Variants in GOLGB1 observed in about 807,000 individuals in gnomAD.
GOLGB1 encodes the protein golgin B1, also known as golgin subfamily B member 1.
In GOLGB1, 174 loss-of-function variants were observed where a neutral mutation model predicts 336.9. The ratio of observed to expected loss-of-function variants is 0.52; its 90% confidence interval spans 0.46 to 0.59. GOLGB1 has a LOEUF of 0.59. Ranked by LOEUF, GOLGB1 falls within the 20% of genes least tolerant of loss-of-function variation. GOLGB1 has a pLI of 0.00. For synonymous variants in GOLGB1, 1,208 were observed against 1,289.2 expected (o/e 0.94, Z 1.35); for missense variants, 3,331 against 3,645.3 (o/e 0.91, Z 2.22).
intron 4 of GOLGB1, among the ~76,000 whole-genome samples, chr3:121,727,469 GGTACCGA>G (rs925018806): frequency 3.3e-5 from 5 of 151,174 alleles, no homozygotes; most frequent in Non-Finnish European, 5.9e-5. Context: ...TGGAAGAAAT[GGTACCGA>G]GTTTCCCATT....
intron 17 of GOLGB1, among the ~76,000 whole-genome samples, chr3:121,673,145 C>T (rs554788495): frequency 3.3e-5 from 5 of 151,862 alleles, no homozygotes; most frequent in Non-Finnish European, 7.4e-5. Flanking sequence ...TCTCGGCTCA[C>T]TGTAACTTCC....
chr3:121,713,358 A>G (rs905611194), intron 10 of GOLGB1, among the ~76,000 whole-genome samples: 1 of 152,246 alleles, frequency 6.6e-6, no homozygotes, highest in African/African-American at 2.4e-5. Context: ...AAAGCATGAA[A>G]AAGTCCAGGT....
intron 17 of GOLGB1, among the ~76,000 whole-genome samples, 154 bp from the exon 18 acceptor site, chr3:121,669,509 A>G (rs1939190618): frequency 8.9e-5 from 1 of 11,286 alleles, no homozygotes; most frequent in South Asian, 1.5e-3. Flanking sequence ...AGTTGGAAAA[A>G]GCATAATTTT....
chr3:121,700,601 C>A (rs979509929), intron 11 of GOLGB1, among the ~76,000 whole-genome samples: 1 of 152,098 alleles, frequency 6.6e-6, no homozygotes, highest in African/African-American at 2.4e-5. Flanking sequence ...CATGCTTTGA[C>A]CCTACTAATT....
chr3:121,712,001 G>C (rs556316551), intron 10 of GOLGB1, among the ~76,000 whole-genome samples: 1 of 152,250 alleles, frequency 6.6e-6, no homozygotes, highest in Middle Eastern at 3.4e-3. Context: ...ACCTGGAATA[G>C]TCAAAGCAAT....
In GOLGB1 at chr3:121,702,552, A is replaced by C; in HGVS notation, c.1448T>G (p.Val483Gly). ...GGCTCCCTTTTCATTCTCTAGTTCT[A>C]CCACTCTCTTCTGCAAAGAAGCAAT... ...ENIASLQKRV[V>G]ELENEKGALL... The change falls in exon 11 of 22, where the codon GTA (valine) becomes GGA (glycine). Residue 483 changes from valine to glycine, a missense_variant. Physicochemically the swap from Val to Gly is moderately radical, Grantham distance 109 (BLOSUM62 -3). Transcript: ENST00000614479. 6.5e-7 allele frequency: 1 copy of C among 1,547,886 alleles called. No homozygotes were observed. Among genetic ancestry groups the C allele is most frequent in the Admixed American group, 2.0e-5 (1 of 50,188 alleles).
rs117107083 is a variant in GOLGB1 at position 121,722,042 on chromosome 3, A to T, written c.648+220T>A. ...GGCTATAGAAAATTCATCAAGGTAA[A>T]TAACACATTGTGAGGTTTTCTGGTG... On this transcript the variant is annotated intron_variant, in intron 6 of 21. Coordinates refer to ENST00000614479, the MANE Select transcript of GOLGB1 (RefSeq NM_001366282.2). Among the ~76,000 whole-genome samples the T allele has an allele frequency of 2.3e-4, 35 of 152,332 alleles. No individual in the cohort carries two copies. The East Asian group carries it at 6.6e-3, about 29-fold the overall frequency.
chr3:121,725,557 A>G (rs897848805), intron 5 of GOLGB1, among the ~76,000 whole-genome samples: 3 of 152,176 alleles, frequency 2.0e-5, no homozygotes, highest in Admixed American at 6.5e-5. Flanking sequence ...TGGTGCAGGA[A>G]TGAGCTAAGA....
chr3:121,717,844 G>A (rs1944893150), intron 8 of GOLGB1, among the ~76,000 whole-genome samples: 1 of 152,146 alleles, frequency 6.6e-6, no homozygotes, highest in South Asian at 2.1e-4. Context: ...ATTTTTTTCA[G>A]ATGGTGGAAT....
chr3:121,717,115 T>C lies in GOLGB1; in HGVS notation c.910A>G (p.Met304Val). The change falls in exon 9 of 22, where the codon ATG (methionine) becomes GTG (valine). Residue 304 changes from methionine (M) to valine (V), a missense_variant. Coordinates refer to ENST00000614479, the MANE Select transcript of GOLGB1 (RefSeq NM_001366282.2). ...CTCAAAGTATTATGCTCAGCTTCCA[T>C]CTGCTGTAACTGCTGAGAGAGAATC... is the stretch of plus-strand genomic sequence containing the variant. Reference protein sequence around the residue: ...NQILSQQLQQMEAEHNTLRNT... With the variant: ...NQILSQQLQQVEAEHNTLRNT... 1.2e-6 allele frequency: 2 copies of C among 1,611,526 alleles called. No homozygotes were observed.
chr3:121,698,753 A>G lies in GOLGB1; in HGVS notation c.1770T>C (p.Ala590=), dbSNP rs373423313. 31 of 1,613,602 alleles carry G rather than the reference A, an allele frequency of 1.9e-5. No homozygotes were observed. The African/African-American group carries it at 3.5e-4, about 18-fold the overall frequency. ...CAAGGACCTCATGATCTGCTTCCTC[A>G]GCCCTTTTTCCCTGGAGCTGTAATT... The part of the protein sequence containing the change: ...FLKLQLQGKR[A]EEADHEVLDQ... The change falls in exon 13 of 22, where the codon GCT becomes GCC. Residue 590 remains alanine (A), a synonymous_variant. Transcript: ENST00000614479.
intron 15 of GOLGB1, among the ~76,000 whole-genome samples, chr3:121,677,742 G>A (rs1002637020): frequency 6.6e-6 from 1 of 152,164 alleles, no homozygotes; most frequent in Non-Finnish European, 1.5e-5. Flanking sequence ...AAGGCTGCAG[G>A]AAATAAGCCT....
intron 10 of GOLGB1, among the ~76,000 whole-genome samples, chr3:121,704,116 TA>T (rs1194368982): frequency 7.1e-6 from 1 of 141,082 alleles, no homozygotes; most frequent in Non-Finnish European, 1.6e-5. Context: ...GACAGAAGAA[TA>T]AAAAAAATTG....
intron 17 of GOLGB1, among the ~76,000 whole-genome samples, chr3:121,669,662 G>C (rs1036640416): frequency 6.6e-6 from 1 of 152,028 alleles, no homozygotes; most frequent in African/African-American, 2.4e-5. Context: ...AATTACATAG[G>C]CTATTCTGGG....
chr3:121,671,859 T>TA (rs1269178914), intron 17 of GOLGB1, among the ~76,000 whole-genome samples: 1 of 149,414 alleles, frequency 6.7e-6, no homozygotes, highest in African/African-American at 2.4e-5. Context: ...GAGATTCACT[T>TA]TTTTTTTTTT....
At chr3:121,744,767 G>A (rs1947131078) in intron 1 of GOLGB1, among the ~76,000 whole-genome samples, 1 of 152,082 alleles carries the variant, frequency 6.6e-6, no homozygotes, top group Admixed American at 6.6e-5. Context: ...ATAAAAATCT[G>A]AGAGAGTGCT....
chr3:121,724,807 A>G (rs1030226665), intron 5 of GOLGB1, among the ~76,000 whole-genome samples: 5 of 152,228 alleles, frequency 3.3e-5, no homozygotes, highest in African/African-American at 1.2e-4. Context: ...CTAAGAGGAC[A>G]GAATGGTTTC....
rs144067683 is a variant in GOLGB1, at chr3:121,695,958, G to T, written c.4565C>A (p.Thr1522Asn). 10 of 1,613,862 alleles carry T rather than the reference G, an allele frequency of 6.2e-6. No homozygotes were observed. The highest frequency in any genetic ancestry group is 7.6e-6 in the Non-Finnish European group (9 of 1,179,930). The stretch of plus-strand genomic sequence containing the variant: ...GCTTTCCACATCTGCCAGAGACTTG[G>T]TGAGACGTTCAATGGTACCTCTGGC... ...SLARGTIERLTKSLADVESQV... is the reference protein window; with the variant it reads ...SLARGTIERLNKSLADVESQV... Residue 1522 changes from threonine to asparagine, a missense_variant, in exon 13 of 22, where the codon ACC (threonine) becomes AAC (asparagine). By Grantham distance (65) the Thr-to-Asn change is moderately conservative. Coordinates refer to ENST00000614479, the MANE Select transcript of GOLGB1 (RefSeq NM_001366282.2).
At chr3:121,689,504 C>T (rs1450879798) in intron 14 of GOLGB1, among the ~76,000 whole-genome samples, 1 of 151,600 alleles carries the variant, frequency 6.6e-6, no homozygotes, top group African/African-American at 2.4e-5. Flanking sequence ...CCCAGGGACA[C>T]AAACACTGCG....
Sources: allele counts gnomAD v4.1 joint callset (sites outside exome capture counted in the v4.1 genomes callset), GRCh38; gene constraint gnomAD v4.1.1; transcripts MANE v1.5; gene names NCBI Gene and HGNC (gene_info 2026-07-23, HGNC 2026-07-21).